Variants in SLC12A7 observed in about 807,000 individuals in gnomAD.
SLC12A7 encodes K-Cl cotransporter 4.
In SLC12A7, 100 loss-of-function variants were observed where a neutral mutation model predicts 120.6. The observed-to-expected ratio is 0.83, with a 90% CI of 0.71 to 0.98. The LOEUF is 0.98. Ranked by LOEUF, SLC12A7 falls within the 50% of genes least tolerant of loss-of-function variation. SLC12A7 has a pLI of 0.00. For synonymous variants in SLC12A7, 760 were observed against 678.0 expected (o/e 1.12, Z -1.88); for missense variants, 1,373 against 1,548.1 (o/e 0.89, Z 1.90).
chr5:1,078,527 C>A lies in SLC12A7; in HGVS notation c.1454+174G>T, dbSNP rs4975684. The A allele has an allele frequency of 0.38, 246,985 of 647,874 alleles. 51,422 individuals carry two copies. The highest frequency in any genetic ancestry group is 0.45 in the Non-Finnish European group (158,284 of 354,562). The allele number at this position is 647,874 out of a possible 1,614,324, so 40.1% of individuals were successfully genotyped here. On this transcript the variant is annotated intron_variant, in intron 11 of 23. Transcript: ENST00000264930. Reference sequence around the variant, plus strand: ...GAACGGTTCCCCAGGCCCTAGGCTCCAGCGGAAGAGACGACACATCAGACC... The same window carrying A: ...GAACGGTTCCCCAGGCCCTAGGCTCAAGCGGAAGAGACGACACATCAGACC...
At chr5:1,148,549 C>T in the SLC12A7 span, among the ~76,000 whole-genome samples, 5 of 152,198 alleles carry the variant, frequency 3.3e-5, no homozygotes, top group African/African-American at 9.7e-5. Flanking sequence ...ACTACATGTA[C>T]TATCAAAATG....
rs1184005408 is a variant in SLC12A7, at chr5:1,089,036, C to G, written c.435G>C (p.Val145=). 6.2e-7 allele frequency: 1 copy of G among 1,612,978 alleles called. No individual in the cohort carries two copies. The highest frequency in any genetic ancestry group is 2.2e-5 in the East Asian group (1 of 44,900). Residue 145 remains valine, a synonymous_variant, in exon 4 of 24, where the codon GTG becomes GTC. Transcript: ENST00000264930. Reference sequence around the variant, plus strand: ...AGGACTCCAGGACACCAGCCACCCCCACGATCCACGTCAGGCGCAGGAAGA... The same window carrying G: ...AGGACTCCAGGACACCAGCCACCCCGACGATCCACGTCAGGCGCAGGAAGA... The part of the protein sequence containing the change: ...VILFLRLTWI[V]GVAGVLESFL...
chr5:1,134,599 C>A, the SLC12A7 span, among the ~76,000 whole-genome samples: 1 of 152,074 alleles, frequency 6.6e-6, no homozygotes, highest in Non-Finnish European at 1.5e-5. Flanking sequence ...ACAGTCCATA[C>A]GGAAACAGAA....
the SLC12A7 span, among the ~76,000 whole-genome samples, chr5:1,147,250 A>T: frequency 3.7e-5 from 4 of 108,688 alleles, no homozygotes; most frequent in Admixed American, 9.3e-5. Context: ...CCACCCCGCC[A>T]CCCCCCCCGC....
At position 1,061,079 on chromosome 5, in the gene SLC12A7, GCATCCGCCA is replaced by G. The variant is rs1736175145; in HGVS notation, c.2740-637_2740-629del. On this transcript the variant is annotated intron_variant, in intron 20 of 23. Transcript: ENST00000264930. ...ACCCGCCGCACCCGCCGCACCTGCC[GCATCCGCCA>G]TGCGGAACCCCTGCGTCTCACCCAC... Among the ~76,000 whole-genome samples, 11 of 82,428 alleles carry G rather than the reference GCATCCGCCA, an allele frequency of 1.3e-4. 1 individual carries two copies. Among genetic ancestry groups the G allele is most frequent in the African/African-American group, 6.4e-4 (11 of 17,310 alleles). 54.1% of individuals were successfully genotyped at this position (82,428 alleles called of 152,430 possible). A position where few individuals can be genotyped will look rare whatever the true frequency, so the allele number is the denominator to read the frequency against.
At chr5:1,064,962 G>T (rs1396882256) in intron 18 of SLC12A7, among the ~76,000 whole-genome samples, 2 of 147,492 alleles carry the variant, frequency 1.4e-5, no homozygotes, top group Non-Finnish European at 3.0e-5. Context: ...AGATGGTGAG[G>T]GGACGGTTAG....
intron 20 of SLC12A7, among the ~76,000 whole-genome samples, chr5:1,063,173 C>T (rs1168794210): frequency 1.3e-5 from 2 of 152,206 alleles, no homozygotes; most frequent in Admixed American, 1.3e-4. Flanking sequence ...AAGGACGGGA[C>T]GAGTCTCTGT....
intron 20 of SLC12A7, among the ~76,000 whole-genome samples, chr5:1,061,960 A>G (rs1016859136): frequency 2.0e-5 from 3 of 152,186 alleles, no homozygotes; most frequent in Non-Finnish European, 4.4e-5. Flanking sequence ...AATAAACAGC[A>G]TGCCAGACTG....
chr5:1,083,640 G>A, intron 8 of SLC12A7, 105 bp downstream of exon 8: 2 of 1,199,138 alleles, frequency 1.7e-6, no homozygotes, highest in Non-Finnish European at 2.4e-6. Flanking sequence ...CCAGGCAGGA[G>A]GAATTGGGGC....
intron 17 of SLC12A7, among the ~76,000 whole-genome samples, chr5:1,067,088 C>T (rs749134870): frequency 1.4e-4 from 21 of 152,322 alleles, no homozygotes; most frequent in African/African-American, 3.4e-4. Flanking sequence ...TGTTCTCCCA[C>T]GGCCCCACTC....
the SLC12A7 span, among the ~76,000 whole-genome samples, chr5:1,142,872 C>T: frequency 6.6e-6 from 1 of 151,882 alleles, no homozygotes; most frequent in Admixed American, 6.5e-5. Context: ...GCTCAGAACT[C>T]AGGGGAGGTA....
intron 22 of SLC12A7, chr5:1,057,193 A>AC (rs1735711736): frequency 2.4e-6 from 1 of 417,158 alleles, no homozygotes; most frequent in Admixed American, 4.2e-5. Flanking sequence ...CACTAGAAGG[A>AC]CCCCTCAGCA....
At chr5:1,077,783 C>T in intron 12 of SLC12A7, 50 bp downstream of exon 12, 2 of 1,496,646 alleles carry the variant, frequency 1.3e-6, no homozygotes, top group South Asian at 1.3e-5. Flanking sequence ...GGGAGGAGAG[C>T]CCCCGACCCT....
At chr5:1,112,194 GTC>G (rs1743077732), upstream of SLC12A7, among the ~76,000 whole-genome samples, 1 of 151,954 alleles carries the variant, frequency 6.6e-6, no homozygotes, top group Non-Finnish European at 1.5e-5. Context: ...CCCAGGCTGC[GTC>G]TGTCTGACCG....
At position 1,075,317 on chromosome 5, in the gene SLC12A7, G is replaced by C. The variant is rs1424900995; in HGVS notation, c.1967+54C>G. ...GGGAGCTGCCCCAGGCATAGCATGA[G>C]AGGGGCCCGCCCTCCCGTGCGCCGG... On this transcript the variant is annotated intron_variant, in intron 15 of 23. Transcript: ENST00000264930. The C allele has an allele frequency of 4.4e-6, 7 of 1,579,368 alleles. No homozygotes were observed. The East Asian group carries it at 1.6e-4, about 36-fold the overall frequency.
chr5:1,146,409 G>A, the SLC12A7 span, among the ~76,000 whole-genome samples: 1 of 152,176 alleles, frequency 6.6e-6, no homozygotes, highest in Non-Finnish European at 1.5e-5. This position sits in a 1 kb window ranked among gnomAD's most constrained non-coding sequence, Gnocchi z 6.5. Flanking sequence ...GTGCCTGCAT[G>A]TGGGTGGGAG....
the SLC12A7 span, among the ~76,000 whole-genome samples, chr5:1,151,750 C>T: frequency 6.0e-3 from 914 of 152,224 alleles, 12 homozygotes; most frequent in South Asian, 0.022. This position sits in a 1 kb window ranked among gnomAD's most constrained non-coding sequence, Gnocchi z 6.2. Flanking sequence ...GCTTGTGCTC[C>T]CCCTCAGCTG....
chr5:1,142,342 C>CT, the SLC12A7 span, among the ~76,000 whole-genome samples: 1 of 100,458 alleles, frequency 1.0e-5, no homozygotes, highest in African/African-American at 4.0e-5. Flanking sequence ...TCTCCCCTCT[C>CT]CCCTCTTCCC....
At chr5:1,060,056 G>A (rs575731241) in intron 21 of SLC12A7, among the ~76,000 whole-genome samples, 4 of 152,222 alleles carry the variant, frequency 2.6e-5, no homozygotes, top group Non-Finnish European at 4.4e-5. Context: ...CAAAGGTCTC[G>A]GCCCTCGTCC....
Sources: allele counts gnomAD v4.1 joint callset (sites outside exome capture counted in the v4.1 genomes callset), GRCh38; gene constraint gnomAD v4.1.1; non-coding constraint Gnocchi (gnomAD v3.1); transcripts MANE v1.5; gene names NCBI Gene and HGNC (gene_info 2026-07-23, HGNC 2026-07-21).